ROBO2: variants seen among roughly 807,000 people sequenced by gnomAD.
The protein encoded by ROBO2 is roundabout guidance receptor 2, also known as roundabout homolog 2.
ROBO2 carries 53 observed loss-of-function variants against 160.8 expected under a neutral mutation model. The ratio of observed to expected loss-of-function variants is 0.33; its 90% CI spans 0.26 to 0.41. The LOEUF (loss-of-function observed/expected upper bound fraction) is 0.41. Ranked by LOEUF, ROBO2 falls within the 10% of genes least tolerant of loss-of-function variation. The pLI is 1.00. For missense variants in ROBO2, 1,577 were observed against 1,722.4 expected (o/e 0.92, Z 1.49); for synonymous variants, 664 against 611.7 (o/e 1.09, Z -1.26).
chr3:75,925,207 A>G (rs1947240024), intron 1 of ROBO2, among the ~76,000 whole-genome samples: 2 of 152,068 alleles, frequency 1.3e-5, no homozygotes, highest in South Asian at 4.2e-4. Flanking sequence ...AGCCCGGGCA[A>G]CATGGTGAAA....
chr3:77,170,154 T>G (rs2079496480), intron 2 of ROBO2, among the ~76,000 whole-genome samples: 3 of 152,136 alleles, frequency 2.0e-5, no homozygotes, highest in Admixed American at 1.3e-4. Flanking sequence ...TTTTCTTTAT[T>G]CATTCTCATA....
At chr3:76,739,798 A>G (rs1414788486) in intron 2 of ROBO2, among the ~76,000 whole-genome samples, 1 of 152,200 alleles carries the variant, frequency 6.6e-6, no homozygotes, top group Non-Finnish European at 1.5e-5. Context: ...GAAATTCCTT[A>G]TGAAGCCCTC....
chr3:76,913,508 A>G (rs969529244), intron 2 of ROBO2, among the ~76,000 whole-genome samples: 1 of 152,240 alleles, frequency 6.6e-6, no homozygotes, highest in Non-Finnish European at 1.5e-5. Context: ...TATTATTCTT[A>G]CTACAATAAA....
At chr3:77,050,278 A>G (rs2065083788) in intron 1 of ROBO2, among the ~76,000 whole-genome samples, 1 of 151,924 alleles carries the variant, frequency 6.6e-6, no homozygotes, top group Admixed American at 6.5e-5. Flanking sequence ...ACAGCATTTC[A>G]CCTTCCTCAT....
At chr3:77,512,317 A>G (rs2089494110) in intron 5 of ROBO2, among the ~76,000 whole-genome samples, 1 of 151,980 alleles carries the variant, frequency 6.6e-6, no homozygotes, top group Admixed American at 6.6e-5. Flanking sequence ...GTGAATGGAG[A>G]GAGCATTTTA....
intron 7 of ROBO2, among the ~76,000 whole-genome samples, chr3:77,550,180 T>G (rs891465370): frequency 6.6e-6 from 1 of 152,076 alleles, no homozygotes; most frequent in Non-Finnish European, 1.5e-5. Context: ...AACACACTTT[T>G]AGAAACATTC....
intron 2 of ROBO2, among the ~76,000 whole-genome samples, chr3:76,322,163 C>CAT (rs1559761091): frequency 0.012 from 463 of 40,116 alleles, 4 homozygotes; most frequent in Non-Finnish European, 0.016. Context: ...CTACTTCTTC[C>CAT]GTATATATAT....
intron 2 of ROBO2, among the ~76,000 whole-genome samples, chr3:77,119,338 C>T (rs1369674299): frequency 1.3e-5 from 2 of 151,988 alleles, no homozygotes; most frequent in African/African-American, 4.8e-5. Context: ...TGTGTAAACG[C>T]AGAAAAATTA....
chr3:77,252,831 A>AAAAAAAAAAAAAT, intron 2 of ROBO2, among the ~76,000 whole-genome samples: 9 of 12,520 alleles, frequency 7.2e-4, no homozygotes, highest in African/African-American at 1.4e-3. Context: ...AAAAAAAAAA[A>AAAAAAAAAAAAAT]ATATATATAT....
intron 2 of ROBO2, among the ~76,000 whole-genome samples, chr3:77,002,275 TCTTAACTTA>T (rs1299689328): frequency 6.6e-6 from 1 of 151,966 alleles, no homozygotes; most frequent in African/African-American, 2.4e-5. Flanking sequence ...TTAGTGTATA[TCTTAACTTA>T]TACACCACAT....
chr3:76,353,442 T>C (rs1252391353), intron 2 of ROBO2, among the ~76,000 whole-genome samples: 1 of 151,956 alleles, frequency 6.6e-6, no homozygotes, highest in Non-Finnish European at 1.5e-5. Flanking sequence ...GTAGTTGTGC[T>C]TCATCTATAT....
intron 2 of ROBO2, among the ~76,000 whole-genome samples, chr3:76,018,340 A>G (rs1035027569): frequency 1.2e-4 from 19 of 152,114 alleles, no homozygotes; most frequent in African/African-American, 4.6e-4. Flanking sequence ...TAATAGTTTA[A>G]TATTGAGAGT....
Position 77,040,251 on chromosome 3 carries a change from A to G in ROBO2, c.-535A>G. 1 of 988,290 alleles carries G rather than the reference A, an allele frequency of 1.0e-6. No individual in the cohort carries two copies. Among genetic ancestry groups the G allele is most frequent in the East Asian group, 1.1e-4 (1 of 8,872 alleles). The allele number at this position is 988,290 out of a possible 1,614,324, so 61.2% of individuals were successfully genotyped here. ...AGTGTTGCTTTGACACATTCTTATT[A>G]TGGAAGTTAAGTAAAAATATAGACA... On this transcript the variant is annotated 5_prime_UTR_variant, in exon 1 of 26. An upstream start codon of the reference 5' UTR is lost. Transcript: ENST00000461745.
chr3:76,741,854 GT>G (rs2093806813), intron 2 of ROBO2, among the ~76,000 whole-genome samples: 1 of 151,908 alleles, frequency 6.6e-6, no homozygotes, highest in African/African-American at 2.4e-5. Flanking sequence ...TTTTCTGAAT[GT>G]CCAAGTTTTA....
intron 2 of ROBO2, among the ~76,000 whole-genome samples, chr3:76,541,762 C>T (rs1034890084): frequency 4.7e-4 from 71 of 152,164 alleles, no homozygotes; most frequent in African/African-American, 1.1e-3. Context: ...AGGGGTTCTA[C>T]CTCTTTTTTA....
intron 4 of ROBO2, among the ~76,000 whole-genome samples, chr3:77,483,933 T>C (rs1409357168): frequency 1.3e-5 from 2 of 151,784 alleles, no homozygotes; most frequent in African/African-American, 4.8e-5. Flanking sequence ...TTCTGAATTC[T>C]TCAAGTATTT....
intron 2 of ROBO2, among the ~76,000 whole-genome samples, chr3:77,199,597 T>G (rs1223280376): frequency 1.3e-5 from 2 of 151,920 alleles, no homozygotes; most frequent in Non-Finnish European, 2.9e-5. Flanking sequence ...GAGGCTGTTT[T>G]TATTCTGATG....
chr3:76,220,173 G>T (rs1446464356), intron 2 of ROBO2, among the ~76,000 whole-genome samples: 1 of 134,234 alleles, frequency 7.4e-6, no homozygotes, highest in African/African-American at 2.9e-5. Context: ...ACTGGGGCCT[G>T]TTGTGGGGTT....
At chr3:76,002,287 G>A (rs1250492609) in intron 2 of ROBO2, among the ~76,000 whole-genome samples, 1 of 152,128 alleles carries the variant, frequency 6.6e-6, no homozygotes, top group Non-Finnish European at 1.5e-5. Context: ...GAAGATACAG[G>A]AAGAATGCCA....
Sources: allele counts gnomAD v4.1 joint callset (sites outside exome capture counted in the v4.1 genomes callset), GRCh38; gene constraint gnomAD v4.1.1; transcripts MANE v1.5; gene names NCBI Gene and HGNC (gene_info 2026-07-23, HGNC 2026-07-21).